NEXMIF: variants seen among roughly 807,000 people sequenced by gnomAD.
NEXMIF encodes the protein XLMR protein related to neurite extension.
A neutral mutation model predicts 62.1 loss-of-function variants in NEXMIF; 8 were observed. The observed-to-expected ratio is 0.13, with a 90% CI of 0.08 to 0.23. The LOEUF is 0.23. Ranked by LOEUF, NEXMIF falls within the 10% of genes least tolerant of loss-of-function variation. NEXMIF has a pLI of 1.00. For missense variants in NEXMIF, 976 were observed against 1,113.3 expected (o/e 0.88, Z 1.75); for synonymous variants, 404 against 416.6 (o/e 0.97, Z 0.37).
chrX:74,744,057 A>G lies in NEXMIF; in HGVS notation c.500T>C (p.Val167Ala), dbSNP rs369067421. Residue 167 changes from valine (V) to alanine (A), a missense_variant, in exon 3 of 4, where the codon GTT (valine) becomes GCT (alanine). Val to Ala is a moderately conservative substitution (Grantham distance 64). Transcript: ENST00000055682. ...TTCATAATCCCTATTTAGATCACCA[A>G]CTTTCAGACTGATCCCTGGCTCAGG... ...VDPEPGISLK[V>A]GDLNRDYETC... 1.2e-5 allele frequency: 15 copies of G among 1,211,175 alleles called. No homozygotes were observed. The South Asian group carries it at 2.5e-4, about 20-fold the overall frequency.
intron 1 of NEXMIF, among the ~76,000 whole-genome samples, chrX:74,834,296 G>C (rs2080449049): frequency 9.0e-6 from 1 of 110,768 alleles, no homozygotes; most frequent in Non-Finnish European, 1.9e-5. Flanking sequence ...ATTTTTGATT[G>C]GTTCATCATT....
At chrX:74,792,963 T>G (rs1223977884) in intron 1 of NEXMIF, among the ~76,000 whole-genome samples, 1 of 107,975 alleles carries the variant, frequency 9.3e-6, no homozygotes, top group Non-Finnish European at 1.9e-5. Flanking sequence ...TTGGAGCATT[T>G]AGTCCATTTA....
intron 1 of NEXMIF, among the ~76,000 whole-genome samples, chrX:74,861,552 G>A (rs1214566227): frequency 3.6e-5 from 4 of 111,181 alleles, no homozygotes; most frequent in African/African-American, 1.3e-4. Context: ...TCATCAGATT[G>A]TCCAAGTTCA....
intron 1 of NEXMIF, among the ~76,000 whole-genome samples, chrX:74,838,147 G>T (rs1271668581): frequency 9.0e-6 from 1 of 111,365 alleles, no homozygotes; most frequent in East Asian, 2.8e-4. Flanking sequence ...TTTATTAAAA[G>T]AATAAAATAT....
chrX:74,877,393 A>T (rs1291309688), intron 1 of NEXMIF, among the ~76,000 whole-genome samples: 8 of 111,663 alleles, frequency 7.2e-5, no homozygotes, highest in African/African-American at 2.3e-4. Context: ...CTTTGAGAGT[A>T]ACCGACCTTT....
At chrX:74,790,945 T>A (rs1233418943) in intron 1 of NEXMIF, among the ~76,000 whole-genome samples, 2 of 110,790 alleles carry the variant, frequency 1.8e-5, no homozygotes, top group Non-Finnish European at 3.8e-5. Flanking sequence ...GAGTTCCTCT[T>A]TTCCTAATTG....
At position 74,741,682 on chromosome X, in the gene NEXMIF, G is replaced by A. The variant is rs1431121726; in HGVS notation, c.2875C>T (p.Pro959Ser). The A allele has an allele frequency of 8.3e-7, 1 of 1,211,855 alleles. No individual in the cohort carries two copies. The highest frequency in any genetic ancestry group is 1.7e-5 in the African/African-American group (1 of 57,829). ...LYDSMQDTQL[P>S]SDDSYQLCHF... Reference sequence around the variant, plus strand: ...CATAATTGGTAAGAGTCATCAGATGGGAGTTGGGTATCTTGCATGGAGTCA... The same window carrying A: ...CATAATTGGTAAGAGTCATCAGATGAGAGTTGGGTATCTTGCATGGAGTCA... Residue 959 changes from proline to serine, a missense_variant, in exon 3 of 4, where the codon CCA (proline) becomes TCA (serine). By Grantham distance (74) the Pro-to-Ser change is moderately conservative. Transcript: ENST00000055682.
At chrX:74,765,666 T>G (rs2080192503) in intron 1 of NEXMIF, among the ~76,000 whole-genome samples, 1 of 110,384 alleles carries the variant, frequency 9.1e-6, no homozygotes, top group Admixed American at 9.7e-5. Flanking sequence ...AAGGACCTTA[T>G]TTCTCCTTTG....
chrX:74,773,562 A>G (rs1206170059), intron 1 of NEXMIF, among the ~76,000 whole-genome samples: 1 of 111,227 alleles, frequency 9.0e-6, no homozygotes, highest in Admixed American at 9.6e-5. Context: ...AACTCATTAT[A>G]TGCTGCTCTA....
chrX:74,742,070 A>C lies in NEXMIF; in HGVS notation c.2487T>G (p.Ser829Arg). The change falls in exon 3 of 4, where the codon AGT (serine) becomes AGG (arginine). Residue 829 changes from serine (S) to arginine (R), a missense_variant. By Grantham distance (110) the Ser-to-Arg change is moderately radical. Around this residue, in one of 5 missense-constraint regions of NEXMIF, gnomAD observed 639 missense variants for 694.5 expected, o/e 0.92. Coordinates refer to ENST00000055682, the MANE Select transcript of NEXMIF (RefSeq NM_001008537.3). ...LDASDLSNNT[S>R]ISYFSHHSPE... is the part of the protein sequence containing the mutation. The stretch of plus-strand genomic sequence containing the variant: ...GAGAATGGTGGCTGAAGTATGAGAT[A>C]CTAGTGTTATTTGACAAGTCAGAAG... 1 of 1,211,577 alleles carries C rather than the reference A, an allele frequency of 8.3e-7. No individual in the cohort carries two copies. Among genetic ancestry groups the C allele is most frequent in the Non-Finnish European group, 1.1e-6 (1 of 895,312 alleles).
intron 1 of NEXMIF, among the ~76,000 whole-genome samples, chrX:74,919,180 G>A (rs917760253): frequency 9.0e-6 from 1 of 111,639 alleles, no homozygotes; most frequent in Non-Finnish European, 1.9e-5. Flanking sequence ...CCATTTTCCA[G>A]CATGCAGACA....
intron 1 of NEXMIF, among the ~76,000 whole-genome samples, chrX:74,899,864 G>C (rs1029248150): frequency 3.6e-5 from 4 of 111,733 alleles, no homozygotes; most frequent in African/African-American, 1.3e-4. Context: ...TCTGTGCATT[G>C]AACAACATTA....
At chrX:74,861,434 T>C (rs907425123) in intron 1 of NEXMIF, among the ~76,000 whole-genome samples, 3 of 111,457 alleles carry the variant, frequency 2.7e-5, no homozygotes, top group Non-Finnish European at 5.7e-5. Flanking sequence ...CAGAATATCA[T>C]CCAGGAGAAC....
chrX:74,796,264 T>A (rs2080311119), intron 1 of NEXMIF, among the ~76,000 whole-genome samples: 2 of 16,424 alleles, frequency 1.2e-4, no homozygotes, highest in Non-Finnish European at 4.0e-4. Context: ...ATTATATATA[T>A]TATATATATA....
rs750153892 is a variant in NEXMIF at position 74,740,289 on chromosome X, C to T, written c.4268G>A (p.Arg1423His). 101 of 1,209,070 alleles carry T rather than the reference C, an allele frequency of 8.4e-5. No individual in the cohort carries two copies. Among genetic ancestry groups the T allele is most frequent in the Non-Finnish European group, 1.1e-4 (98 of 894,890 alleles). ...ATACTTTTTATCAAAGAAGGTAGAG[C>T]GAGAGTCCTCGTTATAACCAGGCAT... is the stretch of plus-strand genomic sequence containing the variant. ...ANMPGYNEDSRSTFFDKKYSN... is the reference protein window; with the variant it reads ...ANMPGYNEDSHSTFFDKKYSN... The change falls in exon 3 of 4, where the codon CGC becomes CAC. Residue 1423 changes from arginine to histidine, a missense_variant. This residue lies in a region of NEXMIF where 137 missense variants were observed against 128.9 expected (regional missense o/e 1.06). Coordinates refer to ENST00000055682, the MANE Select transcript of NEXMIF (RefSeq NM_001008537.3).
At position 74,798,394 on chromosome X, in the gene NEXMIF, T is replaced by C. The variant is rs1422237787; in HGVS notation, c.-47-52697A>G. On this transcript the variant is annotated intron_variant, in intron 1 of 3. Coordinates refer to ENST00000055682, the MANE Select transcript of NEXMIF (RefSeq NM_001008537.3). ...GCATTCTTCTCTCAATCAAAACTTA[T>C]AATAGGCCAAACTATCCATATGGCA... is the stretch of plus-strand genomic sequence containing the variant. Among the ~76,000 whole-genome samples, 8 of 112,483 alleles carry C rather than the reference T, an allele frequency of 7.1e-5. No homozygotes were observed. In the East Asian group the frequency reaches 1.1e-3, roughly 16 times the overall value.
intron 1 of NEXMIF, among the ~76,000 whole-genome samples, chrX:74,816,511 C>G (rs1294102024): frequency 9.0e-6 from 1 of 111,557 alleles, no homozygotes; most frequent in Admixed American, 9.5e-5. Flanking sequence ...TGAGTTGCTT[C>G]TTTTTTAATT....
chrX:74,911,378 C>T (rs765962779), intron 1 of NEXMIF, among the ~76,000 whole-genome samples: 4 of 111,419 alleles, frequency 3.6e-5, no homozygotes, highest in Non-Finnish European at 7.5e-5. Context: ...TGAGATCATG[C>T]CACTACACAG....
intron 1 of NEXMIF, among the ~76,000 whole-genome samples, chrX:74,804,726 G>A (rs748739865): frequency 9.0e-6 from 1 of 111,720 alleles, no homozygotes; most frequent in African/African-American, 3.2e-5. Flanking sequence ...TGAGGGTGGG[G>A]TGTTGCAAGC....
Sources: allele counts gnomAD v4.1 joint callset (sites outside exome capture counted in the v4.1 genomes callset), GRCh38; gene constraint gnomAD v4.1.1; regional missense constraint gnomAD v4.1.1; transcripts MANE v1.5; gene names NCBI Gene and HGNC (gene_info 2026-07-23, HGNC 2026-07-21).